Variants in PRKN observed in about 807,000 individuals in gnomAD.
PRKN encodes E3 ubiquitin-protein ligase parkin.
In PRKN, 56 loss-of-function variants were observed where a neutral mutation model predicts 59.5. That is an observed-to-expected ratio of 0.94 (90% CI 0.76 to 1.18). The LOEUF is 1.18. PRKN is among the 50% of genes most tolerant of loss of function. The probability of loss-of-function intolerance (pLI) is 0.00; values close to 1 mark genes in which losing one functional copy is unlikely to be tolerated. For synonymous variants in PRKN, 250 were observed against 222.1 expected (o/e 1.13, Z -1.12); for missense variants, 657 against 596.4 (o/e 1.10, Z -1.06).
At chr6:161,784,353 AGAC>A (rs1280274101) in intron 7 of PRKN, among the ~76,000 whole-genome samples, 1 of 152,252 alleles carries the variant, frequency 6.6e-6, no homozygotes, top group Non-Finnish European at 1.5e-5. Context: ...GAAAGTGAAA[AGAC>A]AACCTATAGA....
In PRKN at chr6:161,348,264, T is replaced by G. The variant is rs1056630162; in HGVS notation, c.*1835A>C. On this transcript the variant is annotated 3_prime_UTR_variant, in exon 12 of 12. Transcript: ENST00000366898. This position sits in a 1 kb window ranked among gnomAD's most constrained non-coding sequence, Gnocchi z 4.9. ...ACTAAGTCAGGCCTTGATCAGGGTC[T>G]GGACTCAGTATGGACACGAGCCACT... The G allele has an allele frequency of 2.5e-5, 5 of 202,866 alleles. No individual in the cohort carries two copies. The highest frequency in any genetic ancestry group is 1.2e-4 in the African/African-American group (5 of 43,466). The allele number at this position is 202,866 out of a possible 1,614,324, so 12.6% of individuals were successfully genotyped here.
chr6:161,829,598 A>G (rs1158680645), intron 6 of PRKN, among the ~76,000 whole-genome samples: 1 of 152,036 alleles, frequency 6.6e-6, no homozygotes, highest in Non-Finnish European at 1.5e-5. Flanking sequence ...TGCCAGGTGG[A>G]TACTAACGCT....
At chr6:161,937,603 A>C (rs1042744422) in intron 6 of PRKN, among the ~76,000 whole-genome samples, 4 of 152,200 alleles carry the variant, frequency 2.6e-5, no homozygotes, top group African/African-American at 9.7e-5. Context: ...TGGGTTTCTG[A>C]GCTGAGAATG....
intron 7 of PRKN, among the ~76,000 whole-genome samples, chr6:161,653,332 C>G (rs1261960923): frequency 1.3e-5 from 2 of 152,186 alleles, no homozygotes; most frequent in Admixed American, 6.5e-5. Context: ...CCACTGCACT[C>G]CAGCCTGGCA....
chr6:162,695,026 T>C (rs1777917465), intron 1 of PRKN: 1 of 152,176 alleles, frequency 6.6e-6, no homozygotes, highest in South Asian at 2.1e-4. Flanking sequence ...TATGCTCCTA[T>C]CATGTCCACA....
At chr6:162,102,523 T>C (rs1780014302) in intron 4 of PRKN, among the ~76,000 whole-genome samples, 1 of 152,208 alleles carries the variant, frequency 6.6e-6, no homozygotes, top group South Asian at 2.1e-4. Flanking sequence ...GGGAAACTGA[T>C]ACATAAATAT....
At chr6:161,955,061 G>A (rs1430521802) in intron 6 of PRKN, among the ~76,000 whole-genome samples, 2 of 152,198 alleles carry the variant, frequency 1.3e-5, no homozygotes, top group Non-Finnish European at 2.9e-5. Flanking sequence ...CATGGTTTAA[G>A]CAGTCTCGGA....
At chr6:162,715,771 G>C (rs141214845) in intron 1 of PRKN, among the ~76,000 whole-genome samples, 193 of 152,192 alleles carry the variant, frequency 1.3e-3, no homozygotes, top group Admixed American at 4.2e-3. Context: ...CCCACTCCAT[G>C]CTCCCTGTAC....
chr6:162,127,064 T>C (rs578122627), intron 4 of PRKN, among the ~76,000 whole-genome samples: 32 of 152,228 alleles, frequency 2.1e-4, no homozygotes, highest in Non-Finnish European at 2.4e-4. Context: ...TTTTCCTTTT[T>C]ACATTATTGA....
chr6:162,177,596 A>T (rs1416212409), intron 4 of PRKN, among the ~76,000 whole-genome samples: 5 of 151,806 alleles, frequency 3.3e-5, no homozygotes, highest in Non-Finnish European at 5.9e-5. Flanking sequence ...AAAAAAGAAA[A>T]ACAACAATTA....
In PRKN at chr6:162,638,748, T is replaced by C. The variant is rs1185995733; in HGVS notation, c.7+88914A>G. Among the ~76,000 whole-genome samples the C allele has an allele frequency of 3.5e-4, 52 of 147,504 alleles. 1 individual carries two copies. The highest frequency in any genetic ancestry group is 3.3e-3 in the Admixed American group (48 of 14,738). ...TGACTGCTAACTATCCCTTTTTTTT[T>C]TTTTTTTTTTTTTTTGGCAGAGTTT... On this transcript the variant is annotated intron_variant, in intron 1 of 11. Transcript: ENST00000366898.
intron 7 of PRKN, among the ~76,000 whole-genome samples, chr6:161,676,722 A>G (rs796868927): frequency 1.6e-4 from 24 of 152,304 alleles, no homozygotes; most frequent in African/African-American, 5.8e-4. Flanking sequence ...TGGCAGGCCT[A>G]GTCAAAGGCT....
At chr6:162,367,163 C>A (rs189549604) in intron 2 of PRKN, among the ~76,000 whole-genome samples, 2 of 152,046 alleles carry the variant, frequency 1.3e-5, no homozygotes, top group Non-Finnish European at 2.9e-5. Flanking sequence ...GGACTTTTTC[C>A]CCTTTTGCTC....
Position 161,466,358 on chromosome 6 carries a change from G to C in PRKN, c.1084-79481C>G, listed in dbSNP as rs370060750. Among the ~76,000 whole-genome samples the C allele has an allele frequency of 3.9e-4, 60 of 152,112 alleles. No homozygotes were observed. In the East Asian group the frequency reaches 7.9e-3, roughly 20 times the overall value. On this transcript the variant is annotated intron_variant, in intron 9 of 11. Transcript: ENST00000366898. The surrounding 1 kb of genome is among the most constrained non-coding windows in gnomAD (Gnocchi z 5.0). Reference sequence around the variant, plus strand: ...TTCACTTAGGTTTTTTTTGATCTCAGCTCTCTGATGGGTTAAAAAATCTCT... The same window carrying C: ...TTCACTTAGGTTTTTTTTGATCTCACCTCTCTGATGGGTTAAAAAATCTCT...
intron 1 of PRKN, among the ~76,000 whole-genome samples, chr6:162,605,003 T>G (rs1369451832): frequency 6.6e-6 from 1 of 152,146 alleles, no homozygotes; most frequent in East Asian, 1.9e-4. Context: ...TTAGAATATA[T>G]GCAAAATGAG....
At chr6:162,713,493 CAAAAAAAAAAA>C (rs373942233) in intron 1 of PRKN, among the ~76,000 whole-genome samples, 2 of 80,898 alleles carry the variant, frequency 2.5e-5, no homozygotes, top group Non-Finnish European at 4.5e-5. Context: ...GACTCCACCT[CAAAAAAAAAAA>C]AAAAAAAAAA....
intron 1 of PRKN, among the ~76,000 whole-genome samples, chr6:162,622,021 C>T (rs1005420380): frequency 1.3e-5 from 2 of 152,030 alleles, no homozygotes; most frequent in African/African-American, 4.8e-5. Context: ...CCATGTTGGC[C>T]AGGCTTGTCT....
Position 161,548,616 on chromosome 6 carries a change from C to T in PRKN, c.1083+238G>A, listed in dbSNP as rs916585976. 1.9e-5 allele frequency: 10 copies of T among 520,368 alleles called. No homozygotes were observed. Among genetic ancestry groups the T allele is most frequent in the Admixed American group, 3.7e-5 (1 of 27,210 alleles). The allele number at this position is 520,368 out of a possible 1,614,324, so 32.2% of individuals were successfully genotyped here. ...GGCTCACAGCATCTTAAAGTAAATA[C>T]TTCCATAAGCAACCAAAGCAGAAAA... On this transcript the variant is annotated intron_variant, in intron 9 of 11. Transcript: ENST00000366898. The surrounding 1 kb of genome is among the most constrained non-coding windows in gnomAD (Gnocchi z 4.2).
chr6:162,268,423 A>C (rs1194477441), intron 2 of PRKN, among the ~76,000 whole-genome samples: 2 of 152,198 alleles, frequency 1.3e-5, no homozygotes, highest in Non-Finnish European at 2.9e-5. Flanking sequence ...CAGACACTGA[A>C]TACCAACACC....
Sources: gnomAD v4.1 joint callset for allele counts (sites outside exome capture counted in the v4.1 genomes callset) on GRCh38, gnomAD v4.1.1 for gene constraint, Gnocchi (gnomAD v3.1) non-coding constraint, MANE v1.5 for transcripts, NCBI Gene and HGNC (gene_info 2026-07-23, HGNC 2026-07-21) for gene names.